Variants in EFCAB8 observed in about 807,000 individuals in gnomAD.
The protein encoded by EFCAB8 is EF-hand calcium binding domain 8, also known as EF-hand calcium-binding domain-containing protein 8.
EFCAB8 carries 100 observed loss-of-function variants against 116.3 expected under a neutral mutation model. The ratio of observed to expected loss-of-function variants is 0.86; its 90% confidence interval spans 0.73 to 1.02. EFCAB8 has a LOEUF of 1.02. Ranked by LOEUF, EFCAB8 falls within the 50% of genes least tolerant of loss-of-function variation. The pLI, the probability that EFCAB8 is intolerant of heterozygous loss-of-function variation, is 0.00. For synonymous variants in EFCAB8, 558 were observed against 567.9 expected, an observed-to-expected ratio of 0.98 and a Z score of 0.25; for missense variants, 1,320 against 1,416.9, an observed-to-expected ratio of 0.93 and a Z score of 1.10.
At position 32,885,502 on chromosome 20, in the gene EFCAB8, C is replaced by G; in HGVS notation, c.432-3C>G. Reference sequence around the variant, plus strand: ...CTCTTCTCTCTTTCATCGCCTCCCACAGGAACCATGGCTGTGAGGTGGTGA... The same window carrying G: ...CTCTTCTCTCTTTCATCGCCTCCCAGAGGAACCATGGCTGTGAGGTGGTGA... On this transcript the variant is annotated splice_region_variant and splice_polypyrimidine_tract_variant and intron_variant, in intron 5 of 26. Transcript: ENST00000400522. 1 of 1,551,780 alleles carries G rather than the reference C, an allele frequency of 6.4e-7. No individual in the cohort carries two copies. The highest frequency in any genetic ancestry group is 8.7e-7 in the Non-Finnish European group (1 of 1,147,006).
intron 3 of EFCAB8, among the ~76,000 whole-genome samples, chr20:32,875,387 C>T (rs1984909013): frequency 1.3e-5 from 2 of 152,202 alleles, no homozygotes; most frequent in South Asian, 4.1e-4. Flanking sequence ...CCTAAGGGCC[C>T]CGTCTTTGGC....
At chr20:32,893,434 C>G in intron 9 of EFCAB8, 136 bp downstream of exon 9, 1 of 1,308,246 alleles carries the variant, frequency 7.6e-7, no homozygotes, top group Non-Finnish European at 1.0e-6. Flanking sequence ...CTTCCAAGCG[C>G]AGGGTGCATG....
chr20:32,893,322 G>C, intron 9 of EFCAB8, 24 bp downstream of exon 9: 1 of 1,551,486 alleles, frequency 6.4e-7, no homozygotes, highest in Non-Finnish European at 8.7e-7. Flanking sequence ...TGGGGAAGGG[G>C]GCAGAGGCCT....
At chr20:32,896,386 C>A (rs1406915263) in intron 9 of EFCAB8, 68 bp from the exon 10 acceptor site, 1 of 704,368 alleles carries the variant, frequency 1.4e-6, no homozygotes, top group African/African-American at 1.8e-5. Context: ...AAGACGTCTT[C>A]TGAGGCTTTG....
chr20:32,893,438 G>A, intron 9 of EFCAB8, 140 bp downstream of exon 9: 1 of 1,281,772 alleles, frequency 7.8e-7, no homozygotes, highest in Non-Finnish European at 1.1e-6. Context: ...CAAGCGCAGG[G>A]TGCATGCCGC....
chr20:32,922,442 G>A (rs548725023), intron 20 of EFCAB8, among the ~76,000 whole-genome samples: 249 of 152,340 alleles, frequency 1.6e-3, no homozygotes, highest in Non-Finnish European at 2.5e-3. Context: ...CTACATGCCA[G>A]CCGCTGGGGA....
At chr20:32,930,222 G>T (rs1001296622) in intron 20 of EFCAB8, among the ~76,000 whole-genome samples, 176 bp from the exon 21 acceptor site, 1 of 152,202 alleles carries the variant, frequency 6.6e-6, no homozygotes, top group African/African-American at 2.4e-5. Flanking sequence ...GTTCATAGTC[G>T]AGTATGACGT....
intron 2 of EFCAB8, among the ~76,000 whole-genome samples, chr20:32,865,754 G>A (rs988427391): frequency 4.7e-5 from 7 of 150,530 alleles, no homozygotes; most frequent in East Asian, 2.0e-4. Flanking sequence ...AGCTGAGATC[G>A]CACCACGCTC....
In EFCAB8 at chr20:32,958,906, G is replaced by A. The variant is rs137974026; in HGVS notation, c.3089+356G>A. 7.9e-5 allele frequency among the ~76,000 whole-genome samples: 12 copies of A among 152,352 alleles called. No individual in the cohort carries two copies. The East Asian group carries it at 2.3e-3, about 29-fold the overall frequency. ...GCATGGCCAGAGGTCCCTGGCAGAG[G>A]AGTGCTCAGGCCCAGGCCCAAGTCC... On this transcript the variant is annotated intron_variant, in intron 24 of 26. Coordinates refer to ENST00000400522, the MANE Select transcript of EFCAB8 (RefSeq NM_001143967.2).
At position 32,895,571 on chromosome 20, in the gene EFCAB8, C is replaced by CTT. The variant is rs202111336; in HGVS notation, c.884-881_884-880dup. ...AGACTGGTATCTTTTTTCTTTCTTT[C>CTT]TTTCTTTTTTTTTTTTTTAAGGCAG... On this transcript the variant is annotated intron_variant, in intron 9 of 26. Coordinates refer to ENST00000400522, the MANE Select transcript of EFCAB8 (RefSeq NM_001143967.2). 4.4e-3 allele frequency among the ~76,000 whole-genome samples: 603 copies of CTT among 138,446 alleles called. 6 individuals carry two copies. The East Asian group carries it at 0.057, about 13-fold the overall frequency. The allele number at this position is 138,446 out of a possible 152,430, so 90.8% of individuals were successfully genotyped here. A position where few individuals can be genotyped will look rare whatever the true frequency, so the allele number is the denominator to read the frequency against.
intron 20 of EFCAB8, among the ~76,000 whole-genome samples, chr20:32,921,393 T>TG (rs752656858): frequency 0.046 from 4,990 of 107,420 alleles, 310 homozygotes; most frequent in African/African-American, 0.14. Flanking sequence ...GTGTGTGTGT[T>TG]TTTGTAGAGA....
chr20:32,911,633 G>A lies in EFCAB8; in HGVS notation c.1711G>A (p.Asp571Asn). 1 of 1,551,760 alleles carries A rather than the reference G, an allele frequency of 6.4e-7. No homozygotes were observed. Among genetic ancestry groups the A allele is most frequent in the Non-Finnish European group, 8.7e-7 (1 of 1,147,004 alleles). ...GCGGTGCCTGCTCACAGGTTTGCGG[G>A]ATGGCACAATGAAGATGTGGAACTA... is the stretch of plus-strand genomic sequence containing the variant. ...SERCLLTGLR[D>N]GTMKMWNYNI... The change falls in exon 16 of 27, where the codon GAT becomes AAT. Residue 571 changes from aspartate to asparagine, a missense_variant. Physicochemically the swap from Asp to Asn is conservative, Grantham distance 23. Coordinates refer to ENST00000400522, the MANE Select transcript of EFCAB8 (RefSeq NM_001143967.2).
At chr20:32,949,145 C>CA (rs1568947582) in intron 23 of EFCAB8, among the ~76,000 whole-genome samples, 1 of 151,996 alleles carries the variant, frequency 6.6e-6, no homozygotes, top group African/African-American at 2.4e-5. Flanking sequence ...AAGATCAATA[C>CA]AAAAAATCAA....
At chr20:32,931,478 G>A (rs540809511) in intron 22 of EFCAB8, 142 bp downstream of exon 22, 85 of 1,167,950 alleles carry the variant, frequency 7.3e-5, no homozygotes, top group Non-Finnish European at 9.3e-5. Context: ...AGTATTCGTG[G>A]CCAGTCGTGG....
At position 32,867,698 on chromosome 20, in the gene EFCAB8, C is replaced by G; in HGVS notation, c.159C>G (p.His53Gln). The G allele has an allele frequency of 6.4e-7, 1 of 1,551,688 alleles. No individual in the cohort carries two copies. The highest frequency in any genetic ancestry group is 8.7e-7 in the Non-Finnish European group (1 of 1,146,994). ...GGTCCCAGCTGTTTACTGAGATACACCTGGCCAAGATAGAGAAAATGTTTG... is the reference window on the plus strand; with the variant it reads ...GGTCCCAGCTGTTTACTGAGATACAGCTGGCCAAGATAGAGAAAATGTTTG... ...QPGSQLFTEI[H>Q]LAKIEKMFEE... Residue 53 changes from histidine (H) to glutamine (Q), a missense_variant, in exon 3 of 27, where the codon CAC becomes CAG. Coordinates refer to ENST00000400522, the MANE Select transcript of EFCAB8 (RefSeq NM_001143967.2).
rs140873282 is a variant in EFCAB8, at chr20:32,868,856, G to A, written c.208+1109G>A. ...AAAAATTAGCTGGGCGTGGTGGCAC[G>A]GGCCTCTAATTCCAGCTACTTGGGA... On this transcript the variant is annotated intron_variant, in intron 3 of 26. Coordinates refer to ENST00000400522, the MANE Select transcript of EFCAB8 (RefSeq NM_001143967.2). Among the ~76,000 whole-genome samples, 4 of 152,246 alleles carry A rather than the reference G, an allele frequency of 2.6e-5. No homozygotes were observed. In the East Asian group the frequency reaches 5.8e-4, roughly 22 times the overall value.
Position 32,878,721 on chromosome 20 carries a change from C to G in EFCAB8, c.345C>G (p.Tyr115Ter), listed in dbSNP as rs1252481525. The change falls in exon 5 of 27, where the codon TAC becomes TAG. Residue 115 changes from tyrosine (Y) to a stop codon, truncating the protein, a stop_gained. Coordinates refer to ENST00000400522, the MANE Select transcript of EFCAB8 (RefSeq NM_001143967.2). LOFTEE classifies it high-confidence loss of function. Reference sequence around the variant, plus strand: ...CGAGGCAGCAAAAGTATGTGGATTACATGATGCGTGAGTTCCAGGGAAAAG... The same window carrying G: ...CGAGGCAGCAAAAGTATGTGGATTAGATGATGCGTGAGTTCCAGGGAAAAG... ...GFVTWQKYVD[Y>*]MMREFQGKED... The G allele has an allele frequency of 7.7e-6, 12 of 1,551,696 alleles. No homozygotes were observed. Among genetic ancestry groups the G allele is most frequent in the Non-Finnish European group, 1.0e-5 (12 of 1,147,002 alleles).
intron 19 of EFCAB8, 35 bp downstream of exon 19, chr20:32,918,609 A>C (rs1600424843): frequency 6.5e-7 from 1 of 1,542,734 alleles, no homozygotes; most frequent in Non-Finnish European, 8.8e-7. Context: ...GGCTACCCTC[A>C]CTCTCTAGCC....
rs1317509725 is a variant in EFCAB8, at chr20:32,885,650, G to A, written c.567+10G>A. 1.9e-6 allele frequency: 3 copies of A among 1,551,670 alleles called. No homozygotes were observed. The highest frequency in any genetic ancestry group is 2.6e-6 in the Non-Finnish European group (3 of 1,146,964). ...GATGAGCTCCTTTAGGGTGAGTGGG[G>A]CCCCTACACATGGTGCACACATGGG... On this transcript the variant is annotated intron_variant, in intron 6 of 26. Transcript: ENST00000400522.
Sources: gnomAD v4.1 joint callset for allele counts (sites outside exome capture counted in the v4.1 genomes callset) on GRCh38, gnomAD v4.1.1 for gene constraint, MANE v1.5 for transcripts, NCBI Gene and HGNC (gene_info 2026-07-23, HGNC 2026-07-21) for gene names.